SGCZ: variants seen among roughly 807,000 people sequenced by gnomAD.
SGCZ encodes zeta-sarcoglycan.
A neutral mutation model predicts 41.3 loss-of-function variants in SGCZ; 40 were observed. The observed-to-expected ratio is 0.97, with a 90% CI of 0.75 to 1.26. The LOEUF is 1.26. SGCZ is among the 50% of genes most tolerant of loss of function. The pLI, the probability that SGCZ is intolerant of heterozygous loss-of-function variation, is 0.00. For synonymous variants in SGCZ, 206 were observed against 137.5 expected (o/e 1.50, Z -3.49); for missense variants, 552 against 369.8 (o/e 1.49, Z -4.04).
intron 1 of SGCZ, among the ~76,000 whole-genome samples, chr8:14,846,087 G>T (rs1241640407): frequency 6.6e-6 from 1 of 152,018 alleles, no homozygotes; most frequent in African/African-American, 2.4e-5. Context: ...TATAGCAAAA[G>T]ATTTCAAAAC....
intron 1 of SGCZ, among the ~76,000 whole-genome samples, chr8:15,124,774 T>G (rs892338756): frequency 2.6e-5 from 4 of 152,192 alleles, no homozygotes; most frequent in African/African-American, 9.7e-5. Context: ...TCAAACAACG[T>G]GATTGCATTT....
intron 2 of SGCZ, among the ~76,000 whole-genome samples, chr8:14,417,557 C>T (rs1799527814): frequency 6.6e-6 from 1 of 151,774 alleles, no homozygotes; most frequent in African/African-American, 2.4e-5. Context: ...TATTTCCCCC[C>T]CTTAATTTCG....
chr8:14,726,129 C>T lies in SGCZ; in HGVS notation c.40-171203G>A, dbSNP rs545969891. ...AAAAATTTAGCCAGGCGTGGTGGCA[C>T]GCACCTGTAGTCCCAGCTACTCGGG... On this transcript the variant is annotated intron_variant, in intron 1 of 7. Transcript: ENST00000382080. Among the ~76,000 whole-genome samples, 8 of 151,054 alleles carry T rather than the reference C, an allele frequency of 5.3e-5. 1 individual carries two copies. In the South Asian group the frequency reaches 1.7e-3, roughly 31 times the overall value.
intron 1 of SGCZ, among the ~76,000 whole-genome samples, chr8:15,004,054 ATGTG>A (rs1355329382): frequency 3.3e-5 from 5 of 152,092 alleles, no homozygotes. Flanking sequence ...ATCACCCAAA[ATGTG>A]CATGCTACAT....
intron 2 of SGCZ, among the ~76,000 whole-genome samples, chr8:14,347,326 T>C (rs17119127): frequency 0.13 from 19,505 of 152,080 alleles, 1,756 homozygotes; most frequent in East Asian, 0.27. Flanking sequence ...TACAATAATT[T>C]GCTACATGAA....
intron 1 of SGCZ, among the ~76,000 whole-genome samples, chr8:14,564,895 G>C (rs911942174): frequency 6.6e-6 from 1 of 151,956 alleles, no homozygotes; most frequent in Non-Finnish European, 1.5e-5. Flanking sequence ...TGCTCAAAGG[G>C]ACATTTCAGC....
chr8:14,511,630 A>C (rs1418987249), intron 2 of SGCZ, among the ~76,000 whole-genome samples: 1 of 152,182 alleles, frequency 6.6e-6, no homozygotes, highest in East Asian at 1.9e-4. Flanking sequence ...GCTAGAATAC[A>C]AATATTTCTA....
intron 2 of SGCZ, among the ~76,000 whole-genome samples, chr8:14,356,612 T>C (rs1803301815): frequency 6.6e-6 from 1 of 151,872 alleles, no homozygotes; most frequent in Non-Finnish European, 1.5e-5. Context: ...CCCAATATAA[T>C]AGAAATAATA....
At chr8:14,277,210 T>C (rs183981215) in intron 3 of SGCZ, among the ~76,000 whole-genome samples, 175 of 152,298 alleles carry the variant, frequency 1.1e-3, no homozygotes, top group Middle Eastern at 3.4e-3. Flanking sequence ...TGTGCCAATG[T>C]CCCCATTACT....
At chr8:14,632,084 T>A (rs957010612) in intron 1 of SGCZ, among the ~76,000 whole-genome samples, 3 of 152,078 alleles carry the variant, frequency 2.0e-5, no homozygotes, top group African/African-American at 7.2e-5. Context: ...AGTGGCACAA[T>A]CACAGCTCAT....
intron 2 of SGCZ, among the ~76,000 whole-genome samples, chr8:14,452,321 G>T (rs192797436): frequency 1.2e-3 from 177 of 152,122 alleles, no homozygotes; most frequent in African/African-American, 4.1e-3. Flanking sequence ...CGAATTAACA[G>T]GAAGGGCACA....
At chr8:14,115,995 A>T (rs958029504) in intron 5 of SGCZ, among the ~76,000 whole-genome samples, 2 of 152,086 alleles carry the variant, frequency 1.3e-5, no homozygotes, top group Non-Finnish European at 2.9e-5. Flanking sequence ...GCACAGCGCT[A>T]GAGATTCATC....
chr8:15,038,678 G>A (rs1455962355), intron 1 of SGCZ, among the ~76,000 whole-genome samples: 5 of 151,708 alleles, frequency 3.3e-5, no homozygotes, highest in Non-Finnish European at 1.5e-5. Flanking sequence ...ACAACCCAGA[G>A]AATGGTAAGA....
intron 1 of SGCZ, among the ~76,000 whole-genome samples, chr8:14,900,502 T>A (rs1326617043): frequency 6.6e-6 from 1 of 152,112 alleles, no homozygotes; most frequent in Non-Finnish European, 1.5e-5. Flanking sequence ...GCAGAATGGA[T>A]TCAGGCTCCT....
chr8:14,517,035 T>C (rs1232257251), intron 2 of SGCZ, among the ~76,000 whole-genome samples: 1 of 151,872 alleles, frequency 6.6e-6, no homozygotes. Context: ...GCACAGTGAT[T>C]CTCCCCCTAT....
At chr8:14,380,847 A>C (rs566399352) in intron 2 of SGCZ, among the ~76,000 whole-genome samples, 12 of 152,232 alleles carry the variant, frequency 7.9e-5, no homozygotes, top group African/African-American at 2.9e-4. Flanking sequence ...CAACAGAGTG[A>C]GAGTCTGTCT....
chr8:14,867,697 T>G (rs1803984082), intron 1 of SGCZ, among the ~76,000 whole-genome samples: 1 of 151,980 alleles, frequency 6.6e-6, no homozygotes, highest in East Asian at 1.9e-4. Flanking sequence ...TGTTCTCACG[T>G]ATAAGTGGGA....
At chr8:14,847,126 A>AAGAAGAAAGAAG (rs761276429) in intron 1 of SGCZ, among the ~76,000 whole-genome samples, 2 of 126,448 alleles carry the variant, frequency 1.6e-5, no homozygotes, top group Non-Finnish European at 3.3e-5. Flanking sequence ...GAAGAAGAAG[A>AAGAAGAAAGAAG]AAGAAGAAGA....
chr8:15,198,669 T>G (rs978845448), intron 1 of SGCZ, among the ~76,000 whole-genome samples: 1 of 152,140 alleles, frequency 6.6e-6, no homozygotes, highest in East Asian at 1.9e-4. Flanking sequence ...ATAGTAACAA[T>G]AACAACAGCT....
Sources: gnomAD v4.1 joint callset for allele counts (sites outside exome capture counted in the v4.1 genomes callset) on GRCh38, gnomAD v4.1.1 for gene constraint, MANE v1.5 for transcripts, NCBI Gene and HGNC (gene_info 2026-07-23, HGNC 2026-07-21) for gene names.